CCDC185: variants seen among roughly 807,000 people sequenced by gnomAD.
CCDC185 encodes the protein coiled-coil domain-containing protein 185.
For synonymous variants in CCDC185, 381 were observed against 348.1 expected (o/e 1.09, Z -1.05); for missense variants, 982 against 825.3 (o/e 1.19, Z -2.33).
chr1:223,395,296 G>A lies in CCDC185; in HGVS notation c.1821G>A (p.Gln607=). 2 of 1,550,030 alleles carry A rather than the reference G, an allele frequency of 1.3e-6. No individual in the cohort carries two copies. Among genetic ancestry groups the A allele is most frequent in the Non-Finnish European group, 1.7e-6 (2 of 1,153,658 alleles). The stretch of plus-strand genomic sequence containing the variant: ...CGCCTCCCAACAGCTCCCTTGATCA[G>A]ATGGTACTAGAGGCCCAGCTCCGTG... The part of the protein sequence containing the change: ...ERAPPNSSLD[Q]MVLEAQLRAC... The change falls in exon 1 of 1, where the codon CAG becomes CAA. Residue 607 remains glutamine (Q), a synonymous_variant. Coordinates refer to ENST00000366875, the MANE Select transcript of CCDC185 (RefSeq NM_152610.3).
rs1305150721 is a variant in CCDC185, at chr1:223,394,704, T to C, written c.1229T>C (p.Leu410Pro). ...GTGGAAGCCTGTCGCAAGAGGCACC[T>C]ACATGCCGTGGAGGGCCAGAAGAAG... Reference protein sequence around the residue: ...RLVEACRKRHLHAVEGQKKVQ... With the variant: ...RLVEACRKRHPHAVEGQKKVQ... Residue 410 changes from leucine (L) to proline (P), a missense_variant, in exon 1 of 1, where the codon CTA (leucine) becomes CCA (proline). By Grantham distance (98) the Leu-to-Pro change is moderately conservative. Transcript: ENST00000366875. 1.2e-6 allele frequency: 2 copies of C among 1,611,680 alleles called. No homozygotes were observed. Among genetic ancestry groups the C allele is most frequent in the Non-Finnish European group, 1.7e-6 (2 of 1,179,288 alleles).
At position 223,394,990 on chromosome 1, in the gene CCDC185, T is replaced by A; in HGVS notation, c.1515T>A (p.Ile505=). The A allele has an allele frequency of 6.2e-7, 1 of 1,613,880 alleles. No individual in the cohort carries two copies. The highest frequency in any genetic ancestry group is 8.5e-7 in the Non-Finnish European group (1 of 1,179,968). ...SEEQRKMRKR[I]LVELADEKIR... ...AACAGAGGAAGATGCGCAAAAGAAT[T>A]CTGGTGGAGCTGGCGGATGAGAAGA... Residue 505 remains isoleucine (I), a synonymous_variant, in exon 1 of 1, where the codon ATT becomes ATA. Transcript: ENST00000366875.
At position 223,393,701 on chromosome 1, in the gene CCDC185, T is replaced by G. The variant is rs763628133; in HGVS notation, c.226T>G (p.Ser76Ala). 4.6e-5 allele frequency: 72 copies of G among 1,574,312 alleles called. No individual in the cohort carries two copies. In the South Asian group the frequency reaches 8.2e-4, roughly 18 times the overall value. Residue 76 changes from serine to alanine, a missense_variant, in exon 1 of 1, where the codon TCA becomes GCA. Ser to Ala is a moderately conservative substitution (Grantham distance 99). Transcript: ENST00000366875. The surrounding 1 kb of genome is among the most constrained non-coding windows in gnomAD (Gnocchi z 4.8). ...CCCGCGGCCTCGCAGGCGCGGGTGC[T>G]CAGATTCACTGCGGGGCAGCCGAAG... ...FTPRPRRRGC[S>A]DSLRGSRSLS...
Position 223,394,401 on chromosome 1 carries a change from G to T in CCDC185, c.926G>T (p.Ser309Ile), listed in dbSNP as rs761767460. The T allele has an allele frequency of 3.8e-6, 6 of 1,569,928 alleles. No homozygotes were observed. The highest frequency in any genetic ancestry group is 5.2e-6 in the Non-Finnish European group (6 of 1,158,012). ...ERERRLLLRQ[S>I]QEQWQEKEQR... Reference sequence around the variant, plus strand: ...GAGCGCCGGCTGCTGCTGCGGCAGAGCCAGGAGCAGTGGCAGGAGAAGGAG... The same window carrying T: ...GAGCGCCGGCTGCTGCTGCGGCAGATCCAGGAGCAGTGGCAGGAGAAGGAG... The change falls in exon 1 of 1, where the codon AGC (serine) becomes ATC (isoleucine). Residue 309 changes from serine (S) to isoleucine (I), a missense_variant. By Grantham distance (142) the Ser-to-Ile change is moderately radical. Transcript: ENST00000366875.
In CCDC185 at chr1:223,393,666, G is replaced by C. The variant is rs555870164; in HGVS notation, c.191G>C (p.Cys64Ser). ...GGGGCGTGCTGGCTGCACCCGCACT[G>C]TTCGTTCACCCCGCGGCCTCGCAGG... ...EAGACWLHPH[C>S]SFTPRPRRRG... Residue 64 changes from cysteine to serine, a missense_variant, in exon 1 of 1, where the codon TGT becomes TCT. Coordinates refer to ENST00000366875, the MANE Select transcript of CCDC185 (RefSeq NM_152610.3). This position sits in a 1 kb window ranked among gnomAD's most constrained non-coding sequence, Gnocchi z 4.8. The C allele has an allele frequency of 1.8e-5, 28 of 1,566,942 alleles. No individual in the cohort carries two copies. The highest frequency in any genetic ancestry group is 7.4e-5 in the Admixed American group (4 of 54,342).
rs1293217395 is a variant in CCDC185 at position 223,393,999 on chromosome 1, C to T, written c.524C>T (p.Pro175Leu). The change falls in exon 1 of 1, where the codon CCA becomes CTA. Residue 175 changes from proline (P) to leucine (L), a missense_variant. Physicochemically the swap from Pro to Leu is moderately conservative, Grantham distance 98. Coordinates refer to ENST00000366875, the MANE Select transcript of CCDC185 (RefSeq NM_152610.3). This position sits in a 1 kb window ranked among gnomAD's most constrained non-coding sequence, Gnocchi z 4.8. ...KAQGGDQWAV[P>L]LGRHLGRWSP... The stretch of plus-strand genomic sequence containing the variant: ...CAGGGTGGAGACCAGTGGGCAGTGC[C>T]ACTCGGCAGACATCTAGGTCGCTGG... 1.9e-6 allele frequency: 3 copies of T among 1,614,124 alleles called. No homozygotes were observed. Among genetic ancestry groups the T allele is most frequent in the Non-Finnish European group, 2.5e-6 (3 of 1,180,016 alleles).
Position 223,393,694 on chromosome 1 carries a change from C to G in CCDC185, c.219C>G (p.Arg73=), listed in dbSNP as rs369292167. The G allele has an allele frequency of 1.3e-6, 2 of 1,573,398 alleles. No individual in the cohort carries two copies. Among genetic ancestry groups the G allele is most frequent in the Non-Finnish European group, 1.7e-6 (2 of 1,163,958 alleles). ...CGTTCACCCCGCGGCCTCGCAGGCG[C>G]GGGTGCTCAGATTCACTGCGGGGCA... ...HCSFTPRPRR[R]GCSDSLRGSR... is the part of the protein sequence containing the mutation. Residue 73 remains arginine, a synonymous_variant, in exon 1 of 1, where the codon CGC becomes CGG. Transcript: ENST00000366875. The surrounding 1 kb of genome is among the most constrained non-coding windows in gnomAD (Gnocchi z 4.8).
chr1:223,393,521 T>C lies in CCDC185; in HGVS notation c.46T>C (p.Trp16Arg), dbSNP rs1259436650. ...CTCCCAGCCGCCCTACCGGGATCTC[T>C]GGGAACCCCCGCGGCCCGGCGGAGA... is the stretch of plus-strand genomic sequence containing the variant. Reference protein sequence around the residue: ...HFSQPPYRDLWEPPRPGGERE... With the variant: ...HFSQPPYRDLREPPRPGGERE... The change falls in exon 1 of 1, where the codon TGG becomes CGG. Residue 16 changes from tryptophan to arginine, a missense_variant. Trp to Arg is a moderately radical substitution (Grantham distance 101). Coordinates refer to ENST00000366875, the MANE Select transcript of CCDC185 (RefSeq NM_152610.3). This position sits in a 1 kb window ranked among gnomAD's most constrained non-coding sequence, Gnocchi z 4.8. 2.6e-6 allele frequency: 4 copies of C among 1,548,668 alleles called. No individual in the cohort carries two copies. Among genetic ancestry groups the C allele is most frequent in the South Asian group, 1.2e-5 (1 of 82,664 alleles).
At position 223,395,300 on chromosome 1, in the gene CCDC185, G is replaced by T. The variant is rs1346634930; in HGVS notation, c.1825G>T (p.Val609Leu). ...TCCCAACAGCTCCCTTGATCAGATG[G>T]TACTAGAGGCCCAGCTCCGTGCCTG... ...APPNSSLDQMVLEAQLRACQQ... is the reference protein window; with the variant it reads ...APPNSSLDQMLLEAQLRACQQ... The change falls in exon 1 of 1, where the codon GTA (valine) becomes TTA (leucine). Residue 609 changes from valine (V) to leucine (L), a missense_variant. Coordinates refer to ENST00000366875, the MANE Select transcript of CCDC185 (RefSeq NM_152610.3). The T allele has an allele frequency of 6.5e-7, 1 of 1,536,930 alleles. No homozygotes were observed. Among genetic ancestry groups the T allele is most frequent in the South Asian group, 1.3e-5 (1 of 76,174 alleles).
Position 223,394,398 on chromosome 1 carries a change from A to G in CCDC185, c.923A>G (p.Gln308Arg). 1 of 1,570,342 alleles carries G rather than the reference A, an allele frequency of 6.4e-7. No individual in the cohort carries two copies. The highest frequency in any genetic ancestry group is 1.4e-5 in the African/African-American group (1 of 74,052). The change falls in exon 1 of 1, where the codon CAG (glutamine) becomes CGG (arginine). Residue 308 changes from glutamine to arginine, a missense_variant. Transcript: ENST00000366875. Reference sequence around the variant, plus strand: ...CGGGAGCGCCGGCTGCTGCTGCGGCAGAGCCAGGAGCAGTGGCAGGAGAAG... The same window carrying G: ...CGGGAGCGCCGGCTGCTGCTGCGGCGGAGCCAGGAGCAGTGGCAGGAGAAG... ...LERERRLLLR[Q>R]SQEQWQEKEQ...
chr1:223,395,232 T>C lies in CCDC185; in HGVS notation c.1757T>C (p.Phe586Ser). Residue 586 changes from phenylalanine (F) to serine (S), a missense_variant, in exon 1 of 1, where the codon TTC (phenylalanine) becomes TCC (serine). Phe to Ser is a radical substitution (Grantham distance 155). Coordinates refer to ENST00000366875, the MANE Select transcript of CCDC185 (RefSeq NM_152610.3). ...GGGAAAGACCCAAACTTCCAGGAGT[T>C]CCAGAAGCTCCCTCAGGCCTCCAGG... ...SQGKDPNFQEFQKLPQASRRE... is the reference protein window; with the variant it reads ...SQGKDPNFQESQKLPQASRRE... The C allele has an allele frequency of 3.7e-6, 6 of 1,610,064 alleles. No individual in the cohort carries two copies. Among genetic ancestry groups the C allele is most frequent in the Non-Finnish European group, 5.1e-6 (6 of 1,178,590 alleles).
chr1:223,393,621 C>CG, the CCDC185 span: 1 of 1,525,900 alleles, frequency 6.6e-7, no homozygotes, highest in African/African-American at 1.4e-5. The surrounding 1 kb of genome is among the most constrained non-coding windows in gnomAD (Gnocchi z 4.8). Context: ...GCCGGGACTC[C>CG]GGGTGCGGAG....
rs1428730032 is a variant in CCDC185 at position 223,393,831 on chromosome 1, C to G, written c.356C>G (p.Pro119Arg). 5 of 1,595,876 alleles carry G rather than the reference C, an allele frequency of 3.1e-6. No individual in the cohort carries two copies. In the South Asian group the frequency reaches 5.6e-5, roughly 18 times the overall value. ...GGAGAGACAGGAACCAAGCCCCGCC[C>G]GGCTTGGCAGCCGCAGACCCAGCTG... ...AWGETGTKPR[P>R]AWQPQTQLPP... is the part of the protein sequence containing the mutation. The change falls in exon 1 of 1, where the codon CCG (proline) becomes CGG (arginine). Residue 119 changes from proline to arginine, a missense_variant. Physicochemically the swap from Pro to Arg is moderately radical, Grantham distance 103. Transcript: ENST00000366875. This position sits in a 1 kb window ranked among gnomAD's most constrained non-coding sequence, Gnocchi z 4.8.
Position 223,395,115 on chromosome 1 carries a change from A to G in CCDC185, c.1640A>G (p.Lys547Arg). Residue 547 changes from lysine to arginine, a missense_variant, in exon 1 of 1, where the codon AAA becomes AGA. Lys to Arg is a conservative substitution (Grantham distance 26). Coordinates refer to ENST00000366875, the MANE Select transcript of CCDC185 (RefSeq NM_152610.3). ...AGGGAGAAAAACCACCACATCCTGA[A>G]ACTGAAAGCCGAGAAGGAGGAAAAG... ...HLREKNHHILKLKAEKEEKCH... is the reference protein window; with the variant it reads ...HLREKNHHILRLKAEKEEKCH... 6.2e-7 allele frequency: 1 copy of G among 1,614,190 alleles called. No homozygotes were observed. The highest frequency in any genetic ancestry group is 8.5e-7 in the Non-Finnish European group (1 of 1,180,030).
chr1:223,394,190 C>T lies in CCDC185; in HGVS notation c.715C>T (p.His239Tyr). ...CTCCAGCAAAGAGATGCGGAGCCCG[C>T]ACACCCAGGTCCTGAAGAGCAAGCT... ...LASSKEMRSP[H>Y]TQVLKSKLEE... The change falls in exon 1 of 1, where the codon CAC (histidine) becomes TAC (tyrosine). Residue 239 changes from histidine to tyrosine, a missense_variant. Coordinates refer to ENST00000366875, the MANE Select transcript of CCDC185 (RefSeq NM_152610.3). 6.2e-7 allele frequency: 1 copy of T among 1,614,034 alleles called. No individual in the cohort carries two copies. The highest frequency in any genetic ancestry group is 8.5e-7 in the Non-Finnish European group (1 of 1,180,036).
chr1:223,394,369 G>A lies in CCDC185; in HGVS notation c.894G>A (p.Leu298=). The A allele has an allele frequency of 6.3e-7, 1 of 1,576,982 alleles. No homozygotes were observed. Among genetic ancestry groups the A allele is most frequent in the Non-Finnish European group, 8.6e-7 (1 of 1,161,674 alleles). ...CGGATCAGAAGGTCCAGATGACCCTGGAGCGGGAGCGCCGGCTGCTGCTGC... is the reference window on the plus strand; with the variant it reads ...CGGATCAGAAGGTCCAGATGACCCTAGAGCGGGAGCGCCGGCTGCTGCTGC... The part of the protein sequence containing the change: ...KRSDQKVQMT[L]ERERRLLLRQ... Residue 298 remains leucine (L), a synonymous_variant, in exon 1 of 1, where the codon CTG becomes CTA. Transcript: ENST00000366875.
the CCDC185 span, chr1:223,394,304 CA>C: frequency 6.2e-7 from 1 of 1,612,032 alleles, no homozygotes. Context: ...ACGGGAGCTG[CA>C]GCAGCAGGCG....
Position 223,394,542 on chromosome 1 carries a change from C to T in CCDC185, c.1067C>T (p.Pro356Leu). 6.3e-7 allele frequency: 1 copy of T among 1,599,948 alleles called. No homozygotes were observed. The highest frequency in any genetic ancestry group is 8.5e-7 in the Non-Finnish European group (1 of 1,173,868). ...GAGCAACCAGAGGACCAGGAGAGCC[C>T]GCGCCAGGAGAAGCTGGAGAAGGCG... ...WKEQPEDQES[P>L]RQEKLEKARA... is the part of the protein sequence containing the mutation. Residue 356 changes from proline (P) to leucine (L), a missense_variant, in exon 1 of 1, where the codon CCG becomes CTG. Transcript: ENST00000366875.
Position 223,394,514 on chromosome 1 carries a change from AAGGAGCAACCAG to A in CCDC185, c.1044_1055del (p.Glu348_Glu351del). 1 of 1,591,978 alleles carries A rather than the reference AAGGAGCAACCAG, an allele frequency of 6.3e-7. No homozygotes were observed. The highest frequency in any genetic ancestry group is 8.5e-7 in the Non-Finnish European group (1 of 1,169,986). On this transcript the variant is annotated inframe_deletion, in exon 1 of 1. Transcript: ENST00000366875. ...CGTGCCCCCGGGGGAAAGCCGGTGG[AAGGAGCAACCAG>A]AGGACCAGGAGAGCCCGCGCCAGGA...
Sources: gnomAD v4.1 joint callset for allele counts on GRCh38, gnomAD v4.1.1 for gene constraint, Gnocchi (gnomAD v3.1) non-coding constraint, MANE v1.5 for transcripts, NCBI Gene and HGNC (gene_info 2026-07-23, HGNC 2026-07-21) for gene names.